Variants in ABCC4 observed in about 807,000 individuals in gnomAD.
ABCC4 encodes ATP-binding cassette sub-family C member 4.
ABCC4 carries 102 observed loss-of-function variants against 168.5 expected under a neutral mutation model. That is an observed-to-expected ratio of 0.61 (90% confidence interval 0.52 to 0.71). The LOEUF is 0.71. ABCC4 is among the 30% of genes least tolerant of loss of function. The pLI is 0.00. For missense variants in ABCC4, 1,402 were observed against 1,605.8 expected (o/e 0.87, Z 2.17); for synonymous variants, 617 against 590.7 (o/e 1.04, Z -0.65).
chr13:95,029,432 C>A (rs942092574), intron 30 of ABCC4, among the ~76,000 whole-genome samples: 1 of 151,912 alleles, frequency 6.6e-6, no homozygotes, highest in Non-Finnish European at 1.5e-5. Flanking sequence ...CTTGTTTATG[C>A]ACAGAATACA....
intron 20 of ABCC4, among the ~76,000 whole-genome samples, chr13:95,102,584 C>T (rs568248299): frequency 1.3e-5 from 2 of 151,990 alleles, no homozygotes; most frequent in Admixed American, 6.5e-5. Context: ...ACACCTGGCC[C>T]CTACATTATA....
At chr13:95,292,937 A>G (rs140348411) in intron 1 of ABCC4, among the ~76,000 whole-genome samples, 79 of 152,306 alleles carry the variant, frequency 5.2e-4, no homozygotes, top group African/African-American at 1.9e-3. Context: ...AAGTCTGAAC[A>G]TCTGCTGGGA....
rs75259035 is a variant in ABCC4, at chr13:95,078,130, T to C, written c.2687-2579A>G. Among the ~76,000 whole-genome samples, 9 of 152,300 alleles carry C rather than the reference T, an allele frequency of 5.9e-5. No homozygotes were observed. In the East Asian group the frequency reaches 1.7e-3, roughly 29 times the overall value. On this transcript the variant is annotated intron_variant, in intron 21 of 30. Coordinates refer to ENST00000645237, the MANE Select transcript of ABCC4 (RefSeq NM_005845.5). ...TAAGAAACCAGACCTTCCCTGAGCA[T>C]AGATTCTCCACCAGAATGTGATCTG...
chr13:95,117,659 A>T (rs1470859957), intron 19 of ABCC4, among the ~76,000 whole-genome samples: 1 of 152,228 alleles, frequency 6.6e-6, no homozygotes, highest in Non-Finnish European at 1.5e-5. Context: ...AAGTTAAAAA[A>T]TTTAAGACAT....
intron 1 of ABCC4, among the ~76,000 whole-genome samples, chr13:95,299,236 G>A (rs1447579395): frequency 6.9e-6 from 1 of 145,716 alleles, no homozygotes; most frequent in Non-Finnish European, 1.5e-5. Context: ...TCCAGCCTGG[G>A]TCACAGCTTG....
intron 19 of ABCC4, among the ~76,000 whole-genome samples, chr13:95,159,093 T>TTATATATATATATG (rs1555323084): frequency 4.9e-5 from 3 of 61,014 alleles, no homozygotes; most frequent in Admixed American, 2.5e-4. Flanking sequence ...TAAATAAATT[T>TTATATATATATATG]TATATATATA....
At chr13:95,053,549 A>G (rs373428756) in intron 26 of ABCC4, 89 of 191,332 alleles carry the variant, frequency 4.7e-4, no homozygotes, top group African/African-American at 1.9e-3. Context: ...TTAACTATCA[A>G]TCATGTAATA....
At position 95,166,260 on chromosome 13, in the gene ABCC4, T is replaced by C. The variant is rs756035088; in HGVS notation, c.1932A>G (p.Pro644=). 5 of 1,614,164 alleles carry C rather than the reference T, an allele frequency of 3.1e-6. No homozygotes were observed. Among genetic ancestry groups the C allele is most frequent in the Non-Finnish European group, 4.2e-6 (5 of 1,179,988 alleles). ...TACGATTCCTTAGTGTGGGAGTTCCTGGAACTGGAGGTTGTTCACTTTCCT... is the reference window on the plus strand; with the variant it reads ...TACGATTCCTTAGTGTGGGAGTTCCCGGAACTGGAGGTTGTTCACTTTCCT... The part of the protein sequence containing the change: ...DNEESEQPPV[P]GTPTLRNRTF... Residue 644 remains proline, a synonymous_variant, in exon 15 of 31, where the codon CCA becomes CCG. Transcript: ENST00000645237.
At chr13:95,046,012 TAA>T (rs2032560785) in intron 27 of ABCC4, among the ~76,000 whole-genome samples, 1 of 152,200 alleles carries the variant, frequency 6.6e-6, no homozygotes, top group Non-Finnish European at 1.5e-5. Flanking sequence ...ATCCGAAGTG[TAA>T]GATTTGGCTC....
At chr13:95,273,707 G>A (rs1013531958) in intron 1 of ABCC4, among the ~76,000 whole-genome samples, 1 of 151,914 alleles carries the variant, frequency 6.6e-6, no homozygotes, top group African/African-American at 2.4e-5. Context: ...CACATGTTGT[G>A]GGAGGGATCC....
intron 4 of ABCC4, among the ~76,000 whole-genome samples, chr13:95,225,121 A>C (rs952220068): frequency 1.3e-4 from 13 of 101,898 alleles, no homozygotes; most frequent in Middle Eastern, 4.7e-3. Context: ...CCTCTCCCCC[A>C]CTGTCTGTCT....
intron 19 of ABCC4, among the ~76,000 whole-genome samples, chr13:95,159,660 C>G (rs1181229412): frequency 6.6e-6 from 1 of 152,198 alleles, no homozygotes; most frequent in Admixed American, 6.5e-5. Flanking sequence ...AGTGGCGCAA[C>G]GTTACAGCTG....
At chr13:95,231,261 T>C (rs1201381979) in intron 4 of ABCC4, among the ~76,000 whole-genome samples, 1 of 152,168 alleles carries the variant, frequency 6.6e-6, no homozygotes, top group Non-Finnish European at 1.5e-5. Flanking sequence ...TACTGTACAC[T>C]TAAAAAGAGT....
chr13:95,233,089 A>C (rs1169624842), intron 4 of ABCC4, among the ~76,000 whole-genome samples: 1 of 152,154 alleles, frequency 6.6e-6, no homozygotes. Flanking sequence ...CTATTCCCTA[A>C]ACAGTTATTT....
At chr13:95,169,840 T>C (rs1488483326) in intron 14 of ABCC4, among the ~76,000 whole-genome samples, 1 of 152,188 alleles carries the variant, frequency 6.6e-6, no homozygotes, top group African/African-American at 2.4e-5. Flanking sequence ...ACTGTGTTGC[T>C]GCTATTATTA....
intron 3 of ABCC4, among the ~76,000 whole-genome samples, chr13:95,235,748 T>C (rs1013936615): frequency 8.5e-5 from 13 of 152,186 alleles, no homozygotes; most frequent in African/African-American, 3.1e-4. Context: ...TTCCAGGCTC[T>C]TGGACCCACA....
intron 3 of ABCC4, among the ~76,000 whole-genome samples, chr13:95,243,813 G>A (rs1204341352): frequency 6.6e-6 from 1 of 151,616 alleles, no homozygotes; most frequent in Non-Finnish European, 1.5e-5. Flanking sequence ...TGAGCCCAGG[G>A]AGATGGAGGT....
At chr13:95,148,591 A>AACACACACACAAACACACACACAC in intron 19 of ABCC4, among the ~76,000 whole-genome samples, 1 of 129,790 alleles carries the variant, frequency 7.7e-6, no homozygotes, top group South Asian at 2.8e-4. Flanking sequence ...TACCCATCAC[A>AACACACACACAAACACACACACAC]ACACACACAC....
At chr13:95,044,826 G>C (rs1273316849) in intron 27 of ABCC4, among the ~76,000 whole-genome samples, 1 of 152,178 alleles carries the variant, frequency 6.6e-6, no homozygotes, top group African/African-American at 2.4e-5. Context: ...TTAGTTAAAA[G>C]ATTACAGAAA....
Sources: gnomAD v4.1 joint callset for allele counts (sites outside exome capture counted in the v4.1 genomes callset) on GRCh38, gnomAD v4.1.1 for gene constraint, MANE v1.5 for transcripts, NCBI Gene and HGNC (gene_info 2026-07-23, HGNC 2026-07-21) for gene names.